Variants in GPBP1L1 observed in about 807,000 individuals in gnomAD.
GPBP1L1 encodes the protein GC-rich promoter binding protein 1 like 1.
Under a neutral mutation model 52.5 loss-of-function variants are expected in GPBP1L1, and 23 were observed. The ratio of observed to expected loss-of-function variants is 0.44; its 90% CI spans 0.32 to 0.62. The LOEUF (loss-of-function observed/expected upper bound fraction) is 0.62. GPBP1L1 is among the 20% of genes least tolerant of loss of function. The pLI is 0.06. For synonymous variants in GPBP1L1, 243 were observed against 203.1 expected (o/e 1.20, Z -1.67); for missense variants, 596 against 579.3 (o/e 1.03, Z -0.30).
intron 2 of GPBP1L1, among the ~76,000 whole-genome samples, chr1:45,680,392 C>A (rs2148519942): frequency 6.6e-6 from 1 of 152,100 alleles, no homozygotes; most frequent in South Asian, 2.1e-4. Context: ...ACATTCACCA[C>A]CATGCCCGGC....
chr1:45,632,213 T>C (rs1488167475), intron 10 of GPBP1L1, among the ~76,000 whole-genome samples: 1 of 152,136 alleles, frequency 6.6e-6, no homozygotes, highest in African/African-American at 2.4e-5. Context: ...TTCTGCACTG[T>C]AGTTTCCTGG....
intron 10 of GPBP1L1, among the ~76,000 whole-genome samples, chr1:45,632,900 T>C (rs1177544711): frequency 2.0e-5 from 3 of 151,996 alleles, no homozygotes; most frequent in Non-Finnish European, 1.5e-5. Context: ...AACAAACACA[T>C]CAACAAAGAA....
At chr1:45,656,530 G>A (rs2148474531) in intron 4 of GPBP1L1, among the ~76,000 whole-genome samples, 1 of 152,244 alleles carries the variant, frequency 6.6e-6, no homozygotes, top group South Asian at 2.1e-4. Context: ...TTTTGTGTAT[G>A]AAGCAAAGGC....
chr1:45,632,718 A>C (rs1317722394), intron 10 of GPBP1L1, among the ~76,000 whole-genome samples: 1 of 152,252 alleles, frequency 6.6e-6, no homozygotes, highest in African/African-American at 2.4e-5. Flanking sequence ...CTCTGTCTCA[A>C]AATAAATAAA....
chr1:45,654,406 T>C, intron 6 of GPBP1L1, 137 bp downstream of exon 6: 1 of 847,748 alleles, frequency 1.2e-6, no homozygotes, highest in Non-Finnish European at 1.7e-6. Flanking sequence ...TTAACTTCTT[T>C]CCTCTAAAAC....
At chr1:45,657,605 G>C (rs1431457241) in intron 4 of GPBP1L1, among the ~76,000 whole-genome samples, 3 of 152,096 alleles carry the variant, frequency 2.0e-5, no homozygotes, top group East Asian at 3.8e-4. Context: ...TGTAATCTCA[G>C]CACTTTTGGA....
chr1:45,649,335 C>T (rs546019660), intron 6 of GPBP1L1, among the ~76,000 whole-genome samples: 49 of 152,196 alleles, frequency 3.2e-4, no homozygotes, highest in African/African-American at 1.1e-3. Context: ...TCAAATTGTC[C>T]CACTGATGTT....
chr1:45,649,429 A>T (rs565627659), intron 6 of GPBP1L1, among the ~76,000 whole-genome samples: 94 of 150,860 alleles, frequency 6.2e-4, no homozygotes, highest in Non-Finnish European at 8.4e-4. Context: ...TTTAGTTGTC[A>T]TATCTCTAGT....
chr1:45,653,887 T>C (rs548549278), intron 6 of GPBP1L1, among the ~76,000 whole-genome samples: 6 of 151,890 alleles, frequency 4.0e-5, no homozygotes, highest in Non-Finnish European at 5.9e-5. Context: ...TTAGTAGATA[T>C]GGGGTTTCAC....
intron 6 of GPBP1L1, among the ~76,000 whole-genome samples, chr1:45,646,904 G>A (rs768010103): frequency 2.4e-4 from 37 of 151,962 alleles, no homozygotes; most frequent in Admixed American, 6.5e-4. Flanking sequence ...TCTTTCTGGG[G>A]GCGGGGTGGG....
chr1:45,638,373 T>G (rs889999377), intron 8 of GPBP1L1, among the ~76,000 whole-genome samples: 4 of 152,230 alleles, frequency 2.6e-5, no homozygotes, highest in African/African-American at 9.6e-5. Context: ...AGCCCTACTT[T>G]ATTCCCTAAA....
chr1:45,643,063 A>G lies in GPBP1L1; in HGVS notation c.478-564T>C, dbSNP rs540025587. On this transcript the variant is annotated intron_variant, in intron 6 of 12. Coordinates refer to ENST00000355105, the MANE Select transcript of GPBP1L1 (RefSeq NM_021639.5). ...GTTACAAGGACGATGAAAAAAATTC[A>G]TATTAGGGAAGAAGGAGTACTCAGT... Among the ~76,000 whole-genome samples the G allele has an allele frequency of 1.1e-4, 17 of 152,346 alleles. No homozygotes were observed. In the East Asian group the frequency reaches 2.3e-3, roughly 21 times the overall value.
chr1:45,654,689 C>T lies in GPBP1L1; in HGVS notation c.331G>A (p.Gly111Arg), dbSNP rs1223991309. The change falls in exon 6 of 13, where the codon GGA becomes AGA. Residue 111 changes from glycine to arginine, a missense_variant. By Grantham distance (125) the Gly-to-Arg change is moderately radical. Coordinates refer to ENST00000355105, the MANE Select transcript of GPBP1L1 (RefSeq NM_021639.5). The part of the protein sequence containing the change: ...RGHDGMSQRS[G>R]GGTGNHRHWN... ...TGGCGATGGTTCCCTGTGCCACCTC[C>T]ACTACGTTGGCTCATGCCATCATGA... 1 of 1,614,204 alleles carries T rather than the reference C, an allele frequency of 6.2e-7. No individual in the cohort carries two copies. The highest frequency in any genetic ancestry group is 2.2e-5 in the East Asian group (1 of 44,888).
rs561904149 is a variant in GPBP1L1, at chr1:45,636,595, C to T, written c.745-2359G>A. On this transcript the variant is annotated intron_variant, in intron 8 of 12. Transcript: ENST00000355105. ...TTTTCTGGTTAACAACAGGTTCCCT[C>T]TGCCGAGAATGCCCTACCTACTTGC... Among the ~76,000 whole-genome samples the T allele has an allele frequency of 1.1e-4, 16 of 152,294 alleles. No individual in the cohort carries two copies. The South Asian group carries it at 3.1e-3, about 30-fold the overall frequency.
chr1:45,670,390 G>C (rs940498234), intron 2 of GPBP1L1, among the ~76,000 whole-genome samples: 1 of 152,054 alleles, frequency 6.6e-6, no homozygotes, highest in Admixed American at 6.5e-5. Flanking sequence ...CCACTTCATG[G>C]GTTATCTTTT....
intron 2 of GPBP1L1, among the ~76,000 whole-genome samples, chr1:45,671,829 A>G (rs1403988182): frequency 1.3e-5 from 2 of 151,482 alleles, no homozygotes; most frequent in Non-Finnish European, 2.9e-5. Flanking sequence ...TGTCTCTAAT[A>G]ATAATAAATA....
chr1:45,686,926 G>C (rs756228886), upstream of GPBP1L1: 1 of 152,638 alleles, frequency 6.6e-6, no homozygotes, highest in South Asian at 2.1e-4. Context: ...GGGTATGCAT[G>C]TGTGTATCCC....
rs1035643478 is a variant in GPBP1L1 at position 45,675,459 on chromosome 1, T to C, written c.-1098+10117A>G. On this transcript the variant is annotated intron_variant, in intron 2 of 12. Coordinates refer to ENST00000355105, the MANE Select transcript of GPBP1L1 (RefSeq NM_021639.5). ...AAAGGTGATTATCTCTATCTTTTTA[T>C]AGACGGGGTCTATTTAGTGGGTGCC... Among the ~76,000 whole-genome samples the C allele has an allele frequency of 1.6e-4, 24 of 152,344 alleles. No homozygotes were observed. The Middle Eastern group carries it at 0.01, about 65-fold the overall frequency.
intron 6 of GPBP1L1, among the ~76,000 whole-genome samples, chr1:45,643,658 CTTTTTTTTTTTTTTT>C (rs113388167): frequency 1.5e-4 from 10 of 65,112 alleles, no homozygotes; most frequent in Non-Finnish European, 2.2e-4. Context: ...AGGAGAATGG[CTTTTTTTTTTTTTTT>C]TTTTTTTTTT....
Sources: gnomAD v4.1 joint callset for allele counts (sites outside exome capture counted in the v4.1 genomes callset) on GRCh38, gnomAD v4.1.1 for gene constraint, MANE v1.5 for transcripts, NCBI Gene and HGNC (gene_info 2026-07-23, HGNC 2026-07-21) for gene names.